DOCK9: variants seen among roughly 807,000 people sequenced by gnomAD.
DOCK9 encodes dedicator of cytokinesis 9, also known as dedicator of cytokinesis protein 9.
Under a neutral mutation model 263.3 loss-of-function variants are expected in DOCK9, and 89 were observed. That is an observed-to-expected ratio of 0.34 (90% CI 0.28 to 0.40). DOCK9 has a LOEUF of 0.40. DOCK9 is among the 10% of genes least tolerant of loss of function. DOCK9 has a pLI of 1.00. For missense variants in DOCK9, 2,140 were observed against 2,603.4 expected, an observed-to-expected ratio of 0.82 and a Z score of 3.87; for synonymous variants, 976 against 973.1, an observed-to-expected ratio of 1.00 and a Z score of -0.06.
intron 1 of DOCK9, among the ~76,000 whole-genome samples, chr13:99,068,671 TAA>T (rs200841453): frequency 6.8e-6 from 1 of 147,054 alleles, no homozygotes. Flanking sequence ...TCCTTCAGTT[TAA>T]AAAAAAAAAA....
upstream of DOCK9, among the ~76,000 whole-genome samples, chr13:99,087,010 C>G (rs1008995381): frequency 2.0e-5 from 3 of 152,140 alleles, no homozygotes; most frequent in African/African-American, 7.2e-5. Flanking sequence ...GAGGGGACCC[C>G]GAAGTCACCG....
At chr13:99,058,529 A>G (rs1459134950) in intron 1 of DOCK9, among the ~76,000 whole-genome samples, 1 of 152,074 alleles carries the variant, frequency 6.6e-6, no homozygotes, top group Admixed American at 6.5e-5. Flanking sequence ...ACCAGATGAG[A>G]CATCTGCTTG....
At chr13:98,808,035 T>C (rs758814171) in intron 47 of DOCK9, among the ~76,000 whole-genome samples, 3 of 152,194 alleles carry the variant, frequency 2.0e-5, no homozygotes, top group Non-Finnish European at 2.9e-5. Flanking sequence ...CATTAAGTGT[T>C]GAGTGAAATG....
chr13:98,925,681 A>G (rs1308702520), intron 4 of DOCK9, among the ~76,000 whole-genome samples, 156 bp downstream of exon 4: 2 of 152,222 alleles, frequency 1.3e-5, no homozygotes, highest in East Asian at 1.9e-4. Context: ...GAGTCTTACA[A>G]TCAAAGGCCC....
intron 16 of DOCK9, 26 bp downstream of exon 16, chr13:98,888,602 TTCTG>T (rs768127092): frequency 3.7e-6 from 6 of 1,612,332 alleles, no homozygotes; most frequent in South Asian, 3.3e-5. Context: ...CTAATAAAAA[TTCTG>T]TCTATTATGT....
At chr13:98,930,833 G>A (rs539347226) in intron 2 of DOCK9, among the ~76,000 whole-genome samples, 8 of 152,180 alleles carry the variant, frequency 5.3e-5, no homozygotes, top group African/African-American at 1.2e-4. Flanking sequence ...TAGTAGAGAC[G>A]GGGTTTCTCC....
chr13:98,992,546 AG>A (rs1285985857), intron 1 of DOCK9, among the ~76,000 whole-genome samples: 13 of 152,228 alleles, frequency 8.5e-5, no homozygotes, highest in African/African-American at 2.9e-4. Context: ...GTGGGAAGTA[AG>A]TGAATCATGG....
intron 2 of DOCK9, among the ~76,000 whole-genome samples, chr13:98,930,748 G>A (rs2004113): frequency 0.63 from 95,954 of 151,812 alleles, 30,998 homozygotes; most frequent in Middle Eastern, 0.77. Flanking sequence ...GGGTTCAAGC[G>A]ATTCTCCTGT....
At chr13:98,964,713 G>C (rs776742754) in intron 1 of DOCK9, among the ~76,000 whole-genome samples, 5 of 152,172 alleles carry the variant, frequency 3.3e-5, no homozygotes, top group Non-Finnish European at 5.9e-5. Flanking sequence ...CATAAAGGGG[G>C]CTTGGGGTCC....
intron 1 of DOCK9, among the ~76,000 whole-genome samples, chr13:99,024,470 T>C (rs75222320): frequency 6.6e-6 from 1 of 152,270 alleles, no homozygotes; most frequent in East Asian, 1.9e-4. Context: ...AAATGCACCC[T>C]TGAAACTGTT....
chr13:99,017,495 C>T (rs559862848), intron 1 of DOCK9, among the ~76,000 whole-genome samples: 78 of 152,114 alleles, frequency 5.1e-4, no homozygotes, highest in African/African-American at 1.8e-3. Flanking sequence ...CCTGCAGAAG[C>T]CAGGGAATAT....
At chr13:98,800,625 C>G in intron 49 of DOCK9, 147 bp from the exon 50 acceptor site, 1 of 899,338 alleles carries the variant, frequency 1.1e-6, no homozygotes, top group Non-Finnish European at 1.6e-6. Context: ...AAGACACATA[C>G]TAGTACTTGA....
At chr13:98,934,379 C>T (rs546222947) in intron 2 of DOCK9, among the ~76,000 whole-genome samples, 14 of 152,248 alleles carry the variant, frequency 9.2e-5, no homozygotes, top group Middle Eastern at 3.4e-3. Flanking sequence ...CCATTGCAGG[C>T]GAGATACTAC....
chr13:99,045,664 T>C (rs1401716143), intron 1 of DOCK9, among the ~76,000 whole-genome samples: 1 of 152,208 alleles, frequency 6.6e-6, no homozygotes, highest in East Asian at 1.9e-4. Flanking sequence ...GTTACTTAGC[T>C]TGATTGAACC....
At chr13:98,951,744 G>A (rs892673892) in intron 2 of DOCK9, among the ~76,000 whole-genome samples, 12 of 152,338 alleles carry the variant, frequency 7.9e-5, no homozygotes, top group South Asian at 2.1e-4. Flanking sequence ...CTGCTGGCAA[G>A]GAGAACCATG....
chr13:99,064,152 G>C (rs2041315236), intron 1 of DOCK9, among the ~76,000 whole-genome samples: 1 of 152,244 alleles, frequency 6.6e-6, no homozygotes, highest in South Asian at 2.1e-4. Flanking sequence ...ACTTAGGAAT[G>C]AGTCACTGGA....
chr13:98,825,949 G>T lies in DOCK9; in HGVS notation c.5023+881C>A. ...CTCCCACTGGACTGCTTCTAAACAT[G>T]AGGAAATGCATCACCTGATAAAAGG... On this transcript the variant is annotated intron_variant, in intron 44 of 52. Coordinates refer to ENST00000682017, the MANE Select transcript of DOCK9 (RefSeq NM_001366683.2). This position sits in a 1 kb window ranked among gnomAD's most constrained non-coding sequence, Gnocchi z 4.1. The T allele has an allele frequency of 1.3e-6, 2 of 1,535,364 alleles. No homozygotes were observed. The highest frequency in any genetic ancestry group is 1.8e-6 in the Non-Finnish European group (2 of 1,138,654).
chr13:98,804,231 A>G (rs1427174110), intron 49 of DOCK9, among the ~76,000 whole-genome samples: 1 of 152,142 alleles, frequency 6.6e-6, no homozygotes, highest in Non-Finnish European at 1.5e-5. Flanking sequence ...CCTCCCACTG[A>G]TATTTCTTGG....
intron 30 of DOCK9, chr13:98,867,134 A>G: frequency 2.1e-6 from 1 of 482,684 alleles, no homozygotes; most frequent in Non-Finnish European, 3.9e-6. Flanking sequence ...GGAAAAGTGA[A>G]ACAAATAAAA....
Sources: allele counts gnomAD v4.1 joint callset (sites outside exome capture counted in the v4.1 genomes callset), GRCh38; gene constraint gnomAD v4.1.1; non-coding constraint Gnocchi (gnomAD v3.1); transcripts MANE v1.5; gene names NCBI Gene and HGNC (gene_info 2026-07-23, HGNC 2026-07-21).